Variants in SLC10A7 observed in about 807,000 individuals in gnomAD.
SLC10A7 encodes the protein sodium/bile acid cotransporter 7.
A neutral mutation model predicts 43.2 loss-of-function variants in SLC10A7; 29 were observed. The observed-to-expected ratio is 0.67, with a 90% CI of 0.50 to 0.92. SLC10A7 has a LOEUF of 0.92. Ranked by LOEUF, SLC10A7 falls within the 40% of genes least tolerant of loss-of-function variation. SLC10A7 has a pLI of 0.00. For synonymous variants in SLC10A7, 152 were observed against 144.8 expected (o/e 1.05, Z -0.35); for missense variants, 295 against 403.2 (o/e 0.73, Z 2.30).
chr4:146,256,913 T>G (rs1727923892), intron 11 of SLC10A7: 1 of 1,536,338 alleles, frequency 6.5e-7, no homozygotes, highest in Admixed American at 2.0e-5. Context: ...AGTTAGCCAG[T>G]GGCCCCCTGG....
intron 5 of SLC10A7, among the ~76,000 whole-genome samples, chr4:146,386,532 C>T (rs1408980481): frequency 1.3e-5 from 2 of 152,154 alleles, no homozygotes; most frequent in African/African-American, 4.8e-5. Flanking sequence ...CAATGCTCAC[C>T]TAATATCTTA....
At chr4:146,414,362 T>C (rs559798086) in intron 5 of SLC10A7, among the ~76,000 whole-genome samples, 2 of 152,226 alleles carry the variant, frequency 1.3e-5, no homozygotes, top group African/African-American at 4.8e-5. Context: ...ACATAAGGCT[T>C]TTCCACAACC....
At chr4:146,464,474 T>C (rs1296467419) in intron 4 of SLC10A7, among the ~76,000 whole-genome samples, 1 of 152,102 alleles carries the variant, frequency 6.6e-6, no homozygotes, top group Non-Finnish European at 1.5e-5. Context: ...AAATATTATA[T>C]ACCATACAAG....
chr4:146,327,827 C>A (rs1350422366), intron 5 of SLC10A7, among the ~76,000 whole-genome samples: 1 of 152,154 alleles, frequency 6.6e-6, no homozygotes, highest in African/African-American at 2.4e-5. Context: ...CTGCATCTAG[C>A]GCCCATGTGC....
intron 5 of SLC10A7, among the ~76,000 whole-genome samples, chr4:146,407,156 C>A (rs1727774727): frequency 6.6e-6 from 1 of 152,160 alleles, no homozygotes; most frequent in Non-Finnish European, 1.5e-5. Context: ...GCAAGTGAGG[C>A]TGAAAGTATA....
At chr4:146,388,926 T>C (rs374311244) in intron 5 of SLC10A7, among the ~76,000 whole-genome samples, 4 of 152,028 alleles carry the variant, frequency 2.6e-5, no homozygotes, top group African/African-American at 9.6e-5. Flanking sequence ...TACAGCAAAA[T>C]AAATAATTAA....
chr4:146,428,422 A>T (rs2149863624), intron 5 of SLC10A7, among the ~76,000 whole-genome samples: 1 of 152,308 alleles, frequency 6.6e-6, no homozygotes, highest in African/African-American at 2.4e-5. Flanking sequence ...TGAATTATGA[A>T]CTCATCAAAC....
intron 5 of SLC10A7, among the ~76,000 whole-genome samples, chr4:146,334,062 T>C (rs1462984162): frequency 6.6e-6 from 1 of 152,076 alleles, no homozygotes; most frequent in Non-Finnish European, 1.5e-5. Flanking sequence ...TTTCTTAGTT[T>C]TCTGAGTTAA....
chr4:146,369,626 G>T (rs139830863), intron 5 of SLC10A7, among the ~76,000 whole-genome samples: 1 of 152,066 alleles, frequency 6.6e-6, no homozygotes, highest in Non-Finnish European at 1.5e-5. Flanking sequence ...GACAAATGAC[G>T]CTTACTCCTA....
At chr4:146,319,004 C>A (rs1368973329) in intron 6 of SLC10A7, among the ~76,000 whole-genome samples, 1 of 152,082 alleles carries the variant, frequency 6.6e-6, no homozygotes, top group East Asian at 1.9e-4. Context: ...GGTCTTCCTG[C>A]CTCCACCATG....
intron 6 of SLC10A7, among the ~76,000 whole-genome samples, chr4:146,322,828 C>T (rs564610115): frequency 1.3e-5 from 2 of 152,164 alleles, no homozygotes; most frequent in East Asian, 3.9e-4. Context: ...ACTAGTTTAC[C>T]ATCCCACCAA....
chr4:146,339,282 T>C (rs1734092812), intron 5 of SLC10A7, among the ~76,000 whole-genome samples: 1 of 151,952 alleles, frequency 6.6e-6, no homozygotes, highest in South Asian at 2.1e-4. Context: ...TCTATTCCTT[T>C]TGGACGTGTC....
At chr4:146,359,930 T>A (rs1362386613) in intron 5 of SLC10A7, among the ~76,000 whole-genome samples, 1 of 152,116 alleles carries the variant, frequency 6.6e-6, no homozygotes, top group Admixed American at 6.6e-5. Context: ...GTTAGAAGTG[T>A]TTCCAGTCCC....
At chr4:146,354,709 A>T (rs560566509) in intron 5 of SLC10A7, among the ~76,000 whole-genome samples, 31 of 151,304 alleles carry the variant, frequency 2.0e-4, no homozygotes, top group African/African-American at 6.9e-4. Flanking sequence ...AATGGAACAG[A>T]ACAGAGCCCT....
chr4:146,375,212 CA>C (rs1737103210), intron 5 of SLC10A7, among the ~76,000 whole-genome samples: 2 of 151,888 alleles, frequency 1.3e-5, no homozygotes, highest in South Asian at 4.2e-4. Flanking sequence ...TCTCAGAAAA[CA>C]AAAACAAAAA....
At chr4:146,457,910 G>T (rs1319431616) in intron 4 of SLC10A7, among the ~76,000 whole-genome samples, 1 of 151,762 alleles carries the variant, frequency 6.6e-6, no homozygotes, top group East Asian at 1.9e-4. Context: ...AATATTTAAA[G>T]AAGAAATATT....
At chr4:146,521,350 T>C (rs1443471146) in intron 1 of SLC10A7, among the ~76,000 whole-genome samples, 1 of 152,166 alleles carries the variant, frequency 6.6e-6, no homozygotes, top group Non-Finnish European at 1.5e-5. Context: ...GTAAGTTTCA[T>C]TCTCTGTAAC....
intron 4 of SLC10A7, among the ~76,000 whole-genome samples, chr4:146,498,933 T>C (rs1052484207): frequency 2.0e-5 from 3 of 152,148 alleles, no homozygotes; most frequent in Admixed American, 6.5e-5. Context: ...AAATGAAAAG[T>C]GTGTAAGTAG....
At chr4:146,336,393 C>T (rs1733898758) in intron 5 of SLC10A7, among the ~76,000 whole-genome samples, 1 of 152,136 alleles carries the variant, frequency 6.6e-6, no homozygotes, top group African/African-American at 2.4e-5. Context: ...TAACTCCTTA[C>T]AACCCACTAT....
Sources: allele counts gnomAD v4.1 joint callset (sites outside exome capture counted in the v4.1 genomes callset), GRCh38; gene constraint gnomAD v4.1.1; transcripts MANE v1.5; gene names NCBI Gene and HGNC (gene_info 2026-07-23, HGNC 2026-07-21).